The following SRPX variants were observed in gnomAD, a reference collection of about 807,000 sequenced individuals.
The protein encoded by SRPX is sushi repeat containing protein X-linked.
A neutral mutation model predicts 38.1 loss-of-function variants in SRPX; 24 were observed. That is an observed-to-expected ratio of 0.63 (90% CI 0.46 to 0.89). The LOEUF (loss-of-function observed/expected upper bound fraction) is 0.89, where lower values mean the gene tolerates loss of function less well. Ranked by LOEUF, SRPX falls within the 40% of genes least tolerant of loss-of-function variation. The probability of loss-of-function intolerance (pLI) is 0.00; values close to 1 mark genes in which losing one functional copy is unlikely to be tolerated. For synonymous variants in SRPX, 184 were observed against 153.8 expected (o/e 1.20, Z -1.45); for missense variants, 416 against 377.8 (o/e 1.10, Z -0.84).
chrX:38,149,755 C>G lies in SRPX; in HGVS notation c.1351G>C (p.Glu451Gln). 8.3e-7 allele frequency: 1 copy of G among 1,211,464 alleles called. No individual in the cohort carries two copies. Among genetic ancestry groups the G allele is most frequent in the African/African-American group, 1.7e-5 (1 of 57,762 alleles). Residue 451 changes from glutamate (E) to glutamine (Q), a missense_variant, in exon 10 of 10, where the codon GAG becomes CAG. Coordinates refer to ENST00000378533, the MANE Select transcript of SRPX (RefSeq NM_006307.5). ...LIDTFPLRKE[E>Q]MVLQAEMSQT... ...CTCATTTCGGCTTGTAGGACCATCT[C>G]TTCTTTTCTCAAGGGAAAAGTGTCA...
At chrX:38,173,749 C>T (rs1161052325) in intron 3 of SRPX, among the ~76,000 whole-genome samples, 1 of 111,974 alleles carries the variant, frequency 8.9e-6, no homozygotes, top group Non-Finnish European at 1.9e-5. Flanking sequence ...TGCGCCCAGC[C>T]AGGAGAACTC....
At chrX:38,191,920 A>G (rs1047032566) in intron 1 of SRPX, among the ~76,000 whole-genome samples, 2 of 112,410 alleles carry the variant, frequency 1.8e-5, no homozygotes, top group Admixed American at 1.9e-4. Context: ...CCACTCTCAT[A>G]TTTACATAAT....
chrX:38,220,778 T>G lies in SRPX; in HGVS notation c.15A>C (p.Ala5=). Residue 5 remains alanine, a synonymous_variant, in exon 1 of 10, where the codon GCA becomes GCC. Coordinates refer to ENST00000378533, the MANE Select transcript of SRPX (RefSeq NM_006307.5). ...GCAGCAGCAGCAGCGCGGGCCGATGTGCGGGGCTCCCCATGGCGAGCGGGC... is the reference window on the plus strand; with the variant it reads ...GCAGCAGCAGCAGCGCGGGCCGATGGGCGGGGCTCCCCATGGCGAGCGGGC... MGSP[A]HRPALLLLLP... 1.8e-6 allele frequency: 2 copies of G among 1,121,807 alleles called. No individual in the cohort carries two copies. The highest frequency in any genetic ancestry group is 2.3e-6 in the Non-Finnish European group (2 of 858,168). The allele number at this position is 1,121,807 out of a possible 1,213,427, so 92.4% of individuals were successfully genotyped here.
intron 1 of SRPX, among the ~76,000 whole-genome samples, chrX:38,189,143 G>A (rs1466212030): frequency 8.9e-6 from 1 of 111,796 alleles, no homozygotes; most frequent in East Asian, 2.8e-4. Flanking sequence ...GTGCCATCCT[G>A]ATTTGGGAAG....
At chrX:38,184,101 C>A (rs1412756285) in intron 1 of SRPX, among the ~76,000 whole-genome samples, 1 of 111,456 alleles carries the variant, frequency 9.0e-6, no homozygotes, top group Admixed American at 9.5e-5. Context: ...GAAATTACAT[C>A]AGGAGACTAG....
intron 1 of SRPX, among the ~76,000 whole-genome samples, chrX:38,211,673 C>T (rs1231660114): frequency 9.1e-6 from 1 of 109,603 alleles, no homozygotes; most frequent in Non-Finnish European, 1.9e-5. Flanking sequence ...GCATTCCAGC[C>T]TGGGTGACAG....
chrX:38,219,628 G>A (rs1338333408), intron 1 of SRPX, among the ~76,000 whole-genome samples: 2 of 111,555 alleles, frequency 1.8e-5, no homozygotes, highest in African/African-American at 3.3e-5. Flanking sequence ...AGAATTTCCC[G>A]CAGCCATCCC....
chrX:38,186,869 C>G (rs953967572), intron 1 of SRPX, among the ~76,000 whole-genome samples: 9 of 111,656 alleles, frequency 8.1e-5, no homozygotes, highest in Non-Finnish European at 1.7e-4. Context: ...TCTAAGAACC[C>G]TGTGGTGCTA....
intron 1 of SRPX, among the ~76,000 whole-genome samples, chrX:38,184,817 A>G (rs1938741826): frequency 1.8e-5 from 2 of 111,967 alleles, no homozygotes; most frequent in African/African-American, 6.5e-5. Flanking sequence ...AATGCTTATC[A>G]TACTGGTTTC....
Position 38,172,068 on chromosome X carries a change from G to C in SRPX, c.350-11C>G. 8.3e-7 allele frequency: 1 copy of C among 1,204,402 alleles called. No homozygotes were observed. The highest frequency in any genetic ancestry group is 1.1e-6 in the Non-Finnish European group (1 of 889,917). The stretch of plus-strand genomic sequence containing the variant: ...TAGGACATCGCTTTTCTGAAAATGA[G>C]AAAATCAGATATTCAGCATTTCTTA... On this transcript the variant is annotated splice_polypyrimidine_tract_variant and intron_variant, in intron 3 of 9. Transcript: ENST00000378533.
intron 1 of SRPX, 28 bp downstream of exon 1, chrX:38,220,668 G>A: frequency 1.7e-6 from 2 of 1,188,311 alleles, no homozygotes; most frequent in Non-Finnish European, 2.3e-6. Flanking sequence ...GTGCCCAGCT[G>A]AGGAGGCAGC....
At chrX:38,212,620 G>T (rs1939350360) in intron 1 of SRPX, among the ~76,000 whole-genome samples, 1 of 111,617 alleles carries the variant, frequency 9.0e-6, no homozygotes, top group African/African-American at 3.3e-5. Context: ...GATGCTGCTG[G>T]CATGCAAGCA....
At chrX:38,199,821 G>C (rs1939077016) in intron 1 of SRPX, among the ~76,000 whole-genome samples, 1 of 110,945 alleles carries the variant, frequency 9.0e-6, no homozygotes, top group Non-Finnish European at 1.9e-5. Context: ...ATGGCTTTTA[G>C]ACTTCAATCC....
intron 1 of SRPX, among the ~76,000 whole-genome samples, chrX:38,183,055 ATT>A (rs35438256): frequency 9.3e-5 from 9 of 96,556 alleles, no homozygotes; most frequent in Admixed American, 3.4e-4. Context: ...TTCTTGATAG[ATT>A]TTTTTTTTTT....
Position 38,178,235 on chromosome X carries a change from G to A in SRPX, c.157+50C>T, listed in dbSNP as rs200133812. ...TCTGTTTCACAAGGCAAAAAGGAAAGTTCTCCTGGCACCAGCAGGTCCTCA... is the reference window on the plus strand; with the variant it reads ...TCTGTTTCACAAGGCAAAAAGGAAAATTCTCCTGGCACCAGCAGGTCCTCA... On this transcript the variant is annotated intron_variant, in intron 2 of 9. Coordinates refer to ENST00000378533, the MANE Select transcript of SRPX (RefSeq NM_006307.5). 14 of 1,064,259 alleles carry A rather than the reference G, an allele frequency of 1.3e-5. No homozygotes were observed. In the Admixed American group the frequency reaches 3.0e-4, roughly 23 times the overall value. 87.7% of individuals were successfully genotyped at this position (1,064,259 alleles called of 1,213,427 possible).
chrX:38,166,589 A>T (rs1386021287), intron 4 of SRPX, among the ~76,000 whole-genome samples: 1 of 112,286 alleles, frequency 8.9e-6, no homozygotes, highest in Non-Finnish European at 1.9e-5. Context: ...AAAACATTTA[A>T]TTTTTTACTA....
intron 1 of SRPX, among the ~76,000 whole-genome samples, chrX:38,201,364 T>A (rs1411846964): frequency 9.1e-6 from 1 of 109,969 alleles, no homozygotes; most frequent in Admixed American, 9.6e-5. Flanking sequence ...CTGACTACCA[T>A]GAAAAGGATA....
chrX:38,220,798 G>A lies in SRPX; in HGVS notation c.-6C>T. On this transcript the variant is annotated 5_prime_UTR_variant, in exon 1 of 10. Coordinates refer to ENST00000378533, the MANE Select transcript of SRPX (RefSeq NM_006307.5). ...CGATGTGCGGGGCTCCCCATGGCGA[G>A]CGGGCGCTTAGCTCGCCTCGGCAGC... is the stretch of plus-strand genomic sequence containing the variant. 1.8e-6 allele frequency: 2 copies of A among 1,094,922 alleles called. No homozygotes were observed. Among genetic ancestry groups the A allele is most frequent in the Non-Finnish European group, 2.4e-6 (2 of 846,419 alleles). The allele number at this position is 1,094,922 out of a possible 1,213,427, so 90.2% of individuals were successfully genotyped here.
intron 1 of SRPX, among the ~76,000 whole-genome samples, chrX:38,182,492 G>A (rs1268004716): frequency 9.0e-6 from 1 of 111,590 alleles, no homozygotes; most frequent in East Asian, 2.8e-4. Context: ...AAAGATCACA[G>A]GTTGTGTTCA....
Sources: allele counts gnomAD v4.1 joint callset (sites outside exome capture counted in the v4.1 genomes callset), GRCh38; gene constraint gnomAD v4.1.1; transcripts MANE v1.5; gene names NCBI Gene and HGNC (gene_info 2026-07-23, HGNC 2026-07-21).